SLC40A1: variants seen among roughly 807,000 people sequenced by gnomAD.
SLC40A1 encodes the protein solute carrier family 40 member 1.
SLC40A1 carries 16 observed loss-of-function variants against 53.5 expected under a neutral mutation model. The observed-to-expected ratio is 0.30, with a 90% CI of 0.20 to 0.45. The LOEUF (loss-of-function observed/expected upper bound fraction) is 0.45, where lower values mean the gene tolerates loss of function less well. SLC40A1 is among the 20% of genes least tolerant of loss of function. The pLI is 1.00. For synonymous variants in SLC40A1, 247 were observed against 253.2 expected (o/e 0.98, Z 0.23); for missense variants, 545 against 695.4 (o/e 0.78, Z 2.43).
Position 189,579,816 on chromosome 2 carries a change from A to G in SLC40A1, c.108T>C (p.Thr36=). Residue 36 remains threonine (T), a synonymous_variant, in exon 2 of 8, where the codon ACT becomes ACC. Transcript: ENST00000261024. ...AAGACTATGCATTCTCACTTACCCA[A>G]GTAGAGAGAGAATGACCAAGGTAGA... is the stretch of plus-strand genomic sequence containing the variant. ...FLLYLGHSLS[T]WGDRMWHFAV... The G allele has an allele frequency of 1.2e-6, 2 of 1,613,520 alleles. No individual in the cohort carries two copies. The highest frequency in any genetic ancestry group is 2.2e-5 in the East Asian group (1 of 44,882).
intron 7 of SLC40A1, among the ~76,000 whole-genome samples, chr2:189,562,613 T>C (rs1030748326): frequency 6.6e-6 from 1 of 152,206 alleles, no homozygotes; most frequent in Non-Finnish European, 1.5e-5. Context: ...GCTAGAGTTC[T>C]AAAGCCCAAA....
chr2:189,567,253 C>CT (rs1210589302), intron 5 of SLC40A1, among the ~76,000 whole-genome samples: 2 of 152,040 alleles, frequency 1.3e-5, no homozygotes, highest in Non-Finnish European at 2.9e-5. Context: ...ATATGGATGC[C>CT]TAAGACTGAG....
chr2:189,571,324 A>C (rs893440207), intron 5 of SLC40A1, among the ~76,000 whole-genome samples: 6 of 152,146 alleles, frequency 3.9e-5, no homozygotes, highest in Non-Finnish European at 8.8e-5. Context: ...TTAGAGAAAA[A>C]TAACATCCAT....
chr2:189,570,211 T>C (rs1345140806), intron 5 of SLC40A1, among the ~76,000 whole-genome samples: 1 of 151,942 alleles, frequency 6.6e-6, no homozygotes, highest in Non-Finnish European at 1.5e-5. Flanking sequence ...TCAAATGAGT[T>C]AGTTAAAATC....
chr2:189,570,752 T>A (rs970135632), intron 5 of SLC40A1, among the ~76,000 whole-genome samples: 1 of 152,204 alleles, frequency 6.6e-6, no homozygotes, highest in Admixed American at 6.6e-5. Context: ...ACTTTTTTTT[T>A]AACCAAATGG....
chr2:189,577,669 T>C (rs1184743972), intron 2 of SLC40A1, among the ~76,000 whole-genome samples: 1 of 150,060 alleles, frequency 6.7e-6, no homozygotes, highest in Non-Finnish European at 1.5e-5. Flanking sequence ...GGCTGGAGTG[T>C]AGTGGTGTGA....
chr2:189,563,281 A>C (rs2030813791), intron 7 of SLC40A1, among the ~76,000 whole-genome samples: 1 of 150,484 alleles, frequency 6.6e-6, no homozygotes, highest in African/African-American at 2.5e-5. Flanking sequence ...ATCTCAAAAA[A>C]AAAAAAACAA....
chr2:189,565,883 A>G (rs2030924533), intron 5 of SLC40A1, among the ~76,000 whole-genome samples: 1 of 152,194 alleles, frequency 6.6e-6, no homozygotes. Context: ...TTTTTCAACA[A>G]ATATATCTTA....
chr2:189,574,061 T>C (rs1308839152), intron 3 of SLC40A1, among the ~76,000 whole-genome samples: 2 of 152,182 alleles, frequency 1.3e-5, no homozygotes, highest in African/African-American at 4.8e-5. Flanking sequence ...GAAGAAATGG[T>C]AAATTCAGCC....
chr2:189,563,549 T>G (rs1460814512), intron 7 of SLC40A1, 35 bp downstream of exon 7: 2 of 1,590,338 alleles, frequency 1.3e-6, no homozygotes, highest in Non-Finnish European at 8.6e-7. Context: ...AAAAAGACAC[T>G]TTAGTTCATT....
rs1371577452 is a variant in SLC40A1 at position 189,572,940 on chromosome 2, A to G, written c.293T>C (p.Val98Ala). The G allele has an allele frequency of 6.2e-7, 1 of 1,613,610 alleles. No individual in the cohort carries two copies. Among genetic ancestry groups the G allele is most frequent in the Non-Finnish European group, 8.5e-7 (1 of 1,179,508 alleles). ...RLKVAQTSLV[V>A]QNVSVILCGI... ...ACACAGGATGACTGAAACATTCTGT[A>G]CCACCAGCGAGGTCTGGGCCACTGT... Residue 98 changes from valine (V) to alanine (A), a missense_variant, in exon 4 of 8, where the codon GTA becomes GCA. Val to Ala is a moderately conservative substitution (Grantham distance 64). Coordinates refer to ENST00000261024, the MANE Select transcript of SLC40A1 (RefSeq NM_014585.6).
chr2:189,580,176 T>A (rs1423982308), intron 1 of SLC40A1, among the ~76,000 whole-genome samples: 1 of 152,190 alleles, frequency 6.6e-6, no homozygotes, highest in Non-Finnish European at 1.5e-5. Context: ...TTGTTTTGTT[T>A]CTTTTTTACA....
Position 189,575,308 on chromosome 2 carries a change from A to G in SLC40A1, c.124T>C (p.Trp42Arg). 6.2e-7 allele frequency: 1 copy of G among 1,614,114 alleles called. No individual in the cohort carries two copies. Among genetic ancestry groups the G allele is most frequent in the Non-Finnish European group, 8.5e-7 (1 of 1,179,962 alleles). ...HSLSTWGDRM[W>R]HFAVSVFLVE... ...AGAAACACAGACACCGCAAAGTGCC[A>G]CATCCGATCTCCCTTAAATGAAAAG... The change falls in exon 3 of 8, where the codon TGG (tryptophan) becomes CGG (arginine). Residue 42 changes from tryptophan (W) to arginine (R), a missense_variant. This residue lies in a region of SLC40A1 where 197 missense variants were observed against 278.8 expected (regional missense o/e 0.71). Transcript: ENST00000261024.
At chr2:189,574,425 A>C (rs768987095) in intron 3 of SLC40A1, among the ~76,000 whole-genome samples, 1 of 152,196 alleles carries the variant, frequency 6.6e-6, no homozygotes, top group Non-Finnish European at 1.5e-5. Context: ...AGAAGCAGTC[A>C]TCTCGCACTG....
At chr2:189,574,344 A>G (rs535237193) in intron 3 of SLC40A1, among the ~76,000 whole-genome samples, 1 of 152,306 alleles carries the variant, frequency 6.6e-6, no homozygotes, top group Admixed American at 6.5e-5. Flanking sequence ...AAAAACAGAA[A>G]TATGTTCACC....
chr2:189,579,011 A>T (rs2031378469), intron 2 of SLC40A1, among the ~76,000 whole-genome samples: 1 of 152,240 alleles, frequency 6.6e-6, no homozygotes, highest in Admixed American at 6.5e-5. Flanking sequence ...TGGACAGAAT[A>T]TAGCCAGATT....
intron 4 of SLC40A1, 79 bp downstream of exon 4, chr2:189,572,767 A>AT: frequency 9.7e-7 from 1 of 1,029,480 alleles, no homozygotes. Flanking sequence ...AAAAAAAAAA[A>AT]TAGCTTCAAA....
intron 2 of SLC40A1, chr2:189,578,270 A>G (rs1236428786): frequency 1.0e-6 from 1 of 1,001,112 alleles, no homozygotes. Flanking sequence ...GAAAGGAGTA[A>G]AAATCCACTA....
At position 189,560,626 on chromosome 2, in the gene SLC40A1, T is replaced by A. The variant is rs1296195175; in HGVS notation, c.*1252A>T. On this transcript the variant is annotated 3_prime_UTR_variant, in exon 8 of 8. Coordinates refer to ENST00000261024, the MANE Select transcript of SLC40A1 (RefSeq NM_014585.6). ...AAAATATTTTTATATAGAAATTTTT[T>A]ACAAAGATTTTACAACATAGCAAAT... 1 of 152,638 alleles carries A rather than the reference T, an allele frequency of 6.6e-6. No individual in the cohort carries two copies. Among genetic ancestry groups the A allele is most frequent in the Non-Finnish European group, 1.5e-5 (1 of 68,042 alleles). 9.5% of individuals were successfully genotyped at this position (152,638 alleles called of 1,614,324 possible).
Sources: gnomAD v4.1 joint callset for allele counts (sites outside exome capture counted in the v4.1 genomes callset) on GRCh38, gnomAD v4.1.1 for gene constraint, gnomAD v4.1.1 regional missense constraint, MANE v1.5 for transcripts, NCBI Gene and HGNC (gene_info 2026-07-23, HGNC 2026-07-21) for gene names.